Variants in COPZ1 observed in about 807,000 individuals in gnomAD.
The protein encoded by COPZ1 is coatomer subunit zeta-1.
A neutral mutation model predicts 31.7 loss-of-function variants in COPZ1; 4 were observed. The ratio of observed to expected loss-of-function variants is 0.13; its 90% CI spans 0.06 to 0.29. The LOEUF (loss-of-function observed/expected upper bound fraction) is 0.29, where lower values mean the gene tolerates loss of function less well. Ranked by LOEUF, COPZ1 falls within the 10% of genes least tolerant of loss-of-function variation. COPZ1 has a pLI of 1.00. For synonymous variants in COPZ1, 74 were observed against 79.0 expected (o/e 0.94, Z 0.33); for missense variants, 156 against 211.5 (o/e 0.74, Z 1.63).
Position 54,342,220 on chromosome 12 carries a change from C to T in COPZ1, c.102C>T (p.Thr34=), listed in dbSNP as rs1246291080. 5 of 1,613,412 alleles carry T rather than the reference C, an allele frequency of 3.1e-6. No individual in the cohort carries two copies. The highest frequency in any genetic ancestry group is 4.2e-6 in the Non-Finnish European group (5 of 1,179,366). ...DRLFAKYYDD[T]YPSVKEQKAF... ...CCTCTGACCAGTACTATGACGACAC[C>T]TACCCCAGTGTCAAGGAGCAAAAGG... Residue 34 remains threonine (T), a synonymous_variant, in exon 3 of 9, where the codon ACC becomes ACT. Transcript: ENST00000262061.
rs554278460 is a variant in COPZ1 at position 54,327,542 on chromosome 12, C to T, written c.18+2361C>T. ...GAACTCTTGAGCTCAGGCAATCCAC[C>T]TGCCTCAGCCTCCCAAAGTGCTAGG... is the stretch of plus-strand genomic sequence containing the variant. On this transcript the variant is annotated intron_variant, in intron 1 of 8. Coordinates refer to ENST00000262061, the MANE Select transcript of COPZ1 (RefSeq NM_016057.3). 1.7e-4 allele frequency among the ~76,000 whole-genome samples: 26 copies of T among 152,278 alleles called. 2 individuals are homozygous for T. Among genetic ancestry groups the T allele is most frequent in the African/African-American group, 6.3e-4 (26 of 41,574 alleles).
At chr12:54,328,642 G>C (rs1384051701) in intron 1 of COPZ1, among the ~76,000 whole-genome samples, 1 of 152,216 alleles carries the variant, frequency 6.6e-6, no homozygotes, top group Admixed American at 6.5e-5. Context: ...CTTCAGTGAA[G>C]TCTGTTTCAG....
intron 7 of COPZ1, among the ~76,000 whole-genome samples, chr12:54,349,284 A>T (rs967528270): frequency 2.6e-5 from 4 of 152,166 alleles, no homozygotes; most frequent in African/African-American, 9.7e-5. Context: ...GATATTCAGA[A>T]AAGGCCTTTT....
Position 54,331,735 on chromosome 12 carries a change from A to T in COPZ1, c.18+6554A>T, listed in dbSNP as rs188199229. On this transcript the variant is annotated intron_variant, in intron 1 of 8. Transcript: ENST00000262061. ...GCAAAAGCAGGGAGATGTGGGGGGG[A>T]GTAAAGGGATAAATCATGATACAAA... 2.5e-3 allele frequency among the ~76,000 whole-genome samples: 377 copies of T among 151,892 alleles called. 3 individuals carry two copies. Among genetic ancestry groups the T allele is most frequent in the African/African-American group, 8.9e-3 (368 of 41,420 alleles).
Position 54,350,660 on chromosome 12 carries a change from T to C in COPZ1, c.*137T>C. On this transcript the variant is annotated 3_prime_UTR_variant, in exon 9 of 9. Coordinates refer to ENST00000262061, the MANE Select transcript of COPZ1 (RefSeq NM_016057.3). ...GATCCTTAAATCTCCATTCTGTTTG[T>C]GGTTGCCCCCTCAACCTCCCCTACA... 1.3e-6 allele frequency: 1 copy of C among 759,450 alleles called. No individual in the cohort carries two copies. The highest frequency in any genetic ancestry group is 1.9e-5 in the Admixed American group (1 of 51,988). 47.0% of individuals were successfully genotyped at this position (759,450 alleles called of 1,614,324 possible). A position where few individuals can be genotyped will look rare whatever the true frequency, so the allele number is the denominator to read the frequency against.
intron 1 of COPZ1, among the ~76,000 whole-genome samples, chr12:54,330,549 G>T (rs945134011): frequency 6.6e-6 from 1 of 152,200 alleles, no homozygotes; most frequent in African/African-American, 2.4e-5. Flanking sequence ...TAGGGGAGCT[G>T]TCACATGGTC....
intron 1 of COPZ1, among the ~76,000 whole-genome samples, chr12:54,336,410 A>T (rs1158237496): frequency 6.6e-6 from 1 of 151,526 alleles, no homozygotes; most frequent in East Asian, 2.0e-4. Context: ...GCATGGTGGC[A>T]GGTGCGTGTA....
chr12:54,325,155 CG>C lies in COPZ1; in HGVS notation c.-5del. Reference sequence around the variant, plus strand: ...TGCGGCTCCACGTCGGCACCAGCTGCGGGGCAAGATGGAGGCGCTGATTTTG... The same window carrying C: ...TGCGGCTCCACGTCGGCACCAGCTGCGGGCAAGATGGAGGCGCTGATTTTG... On this transcript the variant is annotated 5_prime_UTR_variant, in exon 1 of 9. Coordinates refer to ENST00000262061, the MANE Select transcript of COPZ1 (RefSeq NM_016057.3). The C allele has an allele frequency of 6.4e-7, 1 of 1,563,140 alleles. No homozygotes were observed. The highest frequency in any genetic ancestry group is 1.2e-5 in the South Asian group (1 of 84,908).
chr12:54,330,280 C>G (rs1592196791), intron 1 of COPZ1, among the ~76,000 whole-genome samples: 2 of 152,104 alleles, frequency 1.3e-5, no homozygotes, highest in African/African-American at 4.8e-5. Flanking sequence ...AATTTATTGA[C>G]ACTTCAAATT....
intron 1 of COPZ1, among the ~76,000 whole-genome samples, chr12:54,335,177 C>G (rs1311056680): frequency 5.2e-5 from 7 of 134,548 alleles, no homozygotes; most frequent in African/African-American, 2.0e-4. Context: ...AAGTGAAACT[C>G]TGTCAAAAAA....
chr12:54,349,849 C>T, intron 8 of COPZ1, 191 bp downstream of exon 8: 1 of 669,418 alleles, frequency 1.5e-6, no homozygotes, highest in Admixed American at 2.2e-5. Flanking sequence ...ACTCCTTTCT[C>T]AGTTACCTGT....
Position 54,351,749 on chromosome 12 carries a change from T to G in COPZ1, c.*1226T>G, listed in dbSNP as rs1237981025. 2 of 152,196 alleles carry G rather than the reference T, an allele frequency of 1.3e-5. No individual in the cohort carries two copies. The highest frequency in any genetic ancestry group is 2.9e-5 in the Non-Finnish European group (2 of 68,046). The allele number at this position is 152,196 out of a possible 1,614,324, so 9.4% of individuals were successfully genotyped here. A position where few individuals can be genotyped will look rare whatever the true frequency, so the allele number is the denominator to read the frequency against. On this transcript the variant is annotated 3_prime_UTR_variant, in exon 9 of 9. Transcript: ENST00000262061. ...GAGGTGGGGCAGATAACGGGGCATA[T>G]TTAAGGGGGCATCTTTGTGTAAAAG...
At chr12:54,344,775 CAG>C (rs1462400687) in intron 4 of COPZ1, 1 of 151,236 alleles carries the variant, frequency 6.6e-6, no homozygotes, top group Non-Finnish European at 1.5e-5. Context: ...AAATTTGAGA[CAG>C]GGTCTTGTTC....
In COPZ1 at chr12:54,348,745, T is replaced by A. The variant is rs539553862; in HGVS notation, c.447+694T>A. Among the ~76,000 whole-genome samples the A allele has an allele frequency of 4.7e-3, 709 of 151,902 alleles. 5 individuals are homozygous for A. The highest frequency in any genetic ancestry group is 0.016 in the African/African-American group (649 of 41,418). On this transcript the variant is annotated intron_variant, in intron 7 of 8. Transcript: ENST00000262061. ...GAGTGAGACTCTGTCTCAAAAAAAA[T>A]AAATAAATAAAATAATAATAATAAA...
chr12:54,326,557 TAACA>T (rs1953648195), intron 1 of COPZ1, among the ~76,000 whole-genome samples: 1 of 150,202 alleles, frequency 6.7e-6, no homozygotes, highest in Non-Finnish European at 1.5e-5. Flanking sequence ...ATGCTTGTTC[TAACA>T]AATAAAATAC....
intron 3 of COPZ1, 104 bp downstream of exon 3, chr12:54,342,391 C>T: frequency 1.2e-6 from 1 of 821,358 alleles, no homozygotes; most frequent in Non-Finnish European, 2.0e-6. Context: ...CTGCCTTTTT[C>T]TTTTTTTTTC....
In COPZ1 at chr12:54,350,775, C is replaced by G. The variant is rs752886562; in HGVS notation, c.*252C>G. ...ATAGGGCAGGGGAAGCACCCTCTTT[C>G]TTTCTAGACTGGATTATGCTCACAT... On this transcript the variant is annotated 3_prime_UTR_variant, in exon 9 of 9. Coordinates refer to ENST00000262061, the MANE Select transcript of COPZ1 (RefSeq NM_016057.3). 153 of 559,948 alleles carry G rather than the reference C, an allele frequency of 2.7e-4. No homozygotes were observed. The highest frequency in any genetic ancestry group is 4.1e-4 in the Non-Finnish European group (129 of 310,930). 34.7% of individuals were successfully genotyped at this position (559,948 alleles called of 1,614,324 possible).
intron 1 of COPZ1, chr12:54,325,392 G>A (rs1253619963): frequency 1.6e-6 from 1 of 635,932 alleles, no homozygotes; most frequent in Non-Finnish European, 2.7e-6. Flanking sequence ...GCATAGAGTC[G>A]GTGGAAAGTT....
At chr12:54,350,397 A>G in intron 8 of COPZ1, 79 bp from the exon 9 acceptor site, 1 of 1,081,992 alleles carries the variant, frequency 9.2e-7, no homozygotes, top group Non-Finnish European at 1.4e-6. Context: ...AAGACAAGTG[A>G]GGGGAAGGAG....
Sources: gnomAD v4.1 joint callset for allele counts (sites outside exome capture counted in the v4.1 genomes callset) on GRCh38, gnomAD v4.1.1 for gene constraint, MANE v1.5 for transcripts, NCBI Gene and HGNC (gene_info 2026-07-23, HGNC 2026-07-21) for gene names.